Variants in SNX2 observed in about 807,000 individuals in gnomAD.
SNX2 encodes the protein sorting nexin-2.
In SNX2, 25 loss-of-function variants were observed where a neutral mutation model predicts 69.9. That is an observed-to-expected ratio of 0.36 (90% CI 0.26 to 0.50). The LOEUF is 0.50. Among genes scored for constraint, SNX2 ranks in the 20% least tolerant of loss-of-function variants. The probability of loss-of-function intolerance (pLI) is 0.97; values close to 1 mark genes in which losing one functional copy is unlikely to be tolerated. For synonymous variants in SNX2, 229 were observed against 200.4 expected (o/e 1.14, Z -1.20); for missense variants, 551 against 613.3 (o/e 0.90, Z 1.07).
At chr5:122,791,160 G>C (rs1296052920) in intron 1 of SNX2, among the ~76,000 whole-genome samples, 5 of 102,806 alleles carry the variant, frequency 4.9e-5, no homozygotes, top group Non-Finnish European at 8.2e-5. Context: ...TTTTGTTCTT[G>C]TTGCCCAGGC....
At chr5:122,802,427 A>G (rs531026259) in intron 5 of SNX2, among the ~76,000 whole-genome samples, 4 of 152,216 alleles carry the variant, frequency 2.6e-5, no homozygotes, top group Admixed American at 6.5e-5. Context: ...TGCTTGTGCA[A>G]AAGCCAAAAG....
intron 1 of SNX2, among the ~76,000 whole-genome samples, chr5:122,780,809 C>T (rs1203555789): frequency 6.6e-6 from 1 of 152,122 alleles, no homozygotes; most frequent in Non-Finnish European, 1.5e-5. Context: ...ACCTTGTGAT[C>T]TGTCCACCTC....
At chr5:122,823,582 T>C (rs1165399831) in intron 11 of SNX2, among the ~76,000 whole-genome samples, 1 of 152,234 alleles carries the variant, frequency 6.6e-6, no homozygotes, top group Non-Finnish European at 1.5e-5. Flanking sequence ...TTTCCCTGTA[T>C]TGGTACATAT....
intron 1 of SNX2, among the ~76,000 whole-genome samples, chr5:122,789,474 GACACACACACACAC>G (rs60199625): frequency 6.9e-6 from 1 of 144,608 alleles, no homozygotes; most frequent in African/African-American, 2.5e-5. Context: ...GACACACACG[GACACACACACACAC>G]ACACACACAC....
intron 11 of SNX2, among the ~76,000 whole-genome samples, chr5:122,823,990 A>G (rs944171981): frequency 3.9e-5 from 6 of 152,106 alleles, no homozygotes; most frequent in African/African-American, 1.4e-4. Flanking sequence ...TCATGAGATC[A>G]GGAGATCGAG....
At chr5:122,805,012 T>A (rs541184175) in intron 6 of SNX2, among the ~76,000 whole-genome samples, 3 of 152,148 alleles carry the variant, frequency 2.0e-5, no homozygotes, top group African/African-American at 7.2e-5. Flanking sequence ...TGAGCTCGGC[T>A]CCATCATGGT....
chr5:122,825,084 T>C (rs1176239628), intron 11 of SNX2, among the ~76,000 whole-genome samples: 1 of 152,152 alleles, frequency 6.6e-6, no homozygotes, highest in Admixed American at 6.5e-5. Flanking sequence ...CATATTTTTC[T>C]CTTCAGATCC....
chr5:122,810,830 A>C (rs1753758273), intron 7 of SNX2, among the ~76,000 whole-genome samples: 1 of 152,218 alleles, frequency 6.6e-6, no homozygotes, highest in Non-Finnish European at 1.5e-5. Context: ...TTCATTTTCA[A>C]TTAGAAAAAA....
chr5:122,791,696 C>T (rs1013226085), intron 1 of SNX2, among the ~76,000 whole-genome samples: 2 of 152,236 alleles, frequency 1.3e-5, no homozygotes, highest in Non-Finnish European at 2.9e-5. Context: ...GGATTACAGG[C>T]GTAAGCCACC....
intron 1 of SNX2, 199 bp downstream of exon 1, chr5:122,775,410 T>C (rs1752833518): frequency 2.4e-6 from 3 of 1,271,386 alleles, no homozygotes; most frequent in Non-Finnish European, 3.0e-6. Flanking sequence ...GAGAGCAGCC[T>C]GCGGCCCGCG....
chr5:122,829,393 C>T (rs946249430), intron 14 of SNX2, among the ~76,000 whole-genome samples: 17 of 151,712 alleles, frequency 1.1e-4, no homozygotes, highest in Non-Finnish European at 2.2e-4. Context: ...TTAGTAGAGA[C>T]GGGGTTTCAC....
chr5:122,777,607 T>C (rs958512367), intron 1 of SNX2, among the ~76,000 whole-genome samples: 1 of 152,224 alleles, frequency 6.6e-6, no homozygotes, highest in Non-Finnish European at 1.5e-5. Context: ...TAAGTGAAAA[T>C]CAAATTATAG....
At chr5:122,817,433 T>TTCATA in intron 10 of SNX2, 60 bp downstream of exon 10, 1 of 1,050,726 alleles carries the variant, frequency 9.5e-7, no homozygotes, top group Non-Finnish European at 1.4e-6. Context: ...ATATTTTATT[T>TTCATA]AAATTTTATG....
intron 5 of SNX2, 50 bp downstream of exon 5, chr5:122,802,174 G>A (rs749395150): frequency 1.1e-5 from 15 of 1,421,096 alleles, no homozygotes; most frequent in East Asian, 4.5e-5. Context: ...ATTATGTGTA[G>A]TATGAGGATA....
chr5:122,793,444 G>T (rs181570272), intron 1 of SNX2, among the ~76,000 whole-genome samples: 40 of 152,234 alleles, frequency 2.6e-4, no homozygotes, highest in African/African-American at 9.4e-4. Flanking sequence ...GTAGAAGCCC[G>T]CATGGTAAAG....
At position 122,804,500 on chromosome 5, in the gene SNX2, G is replaced by A. The variant is rs532964346; in HGVS notation, c.643+887G>A. 7.9e-5 allele frequency among the ~76,000 whole-genome samples: 12 copies of A among 151,778 alleles called. No homozygotes were observed. The East Asian group carries it at 1.4e-3, about 17-fold the overall frequency. On this transcript the variant is annotated intron_variant, in intron 6 of 14. Transcript: ENST00000379516. ...CCTGCCCCAGCCTTCCGAGTAGCTA[G>A]GACTGCAGGCACACACCACCATGCC...
intron 1 of SNX2, among the ~76,000 whole-genome samples, chr5:122,776,493 C>G (rs1752860363): frequency 6.6e-6 from 1 of 152,024 alleles, no homozygotes; most frequent in African/African-American, 2.4e-5. Flanking sequence ...CCAAAAGCCG[C>G]AATTACTTTT....
At chr5:122,804,582 T>C (rs56094533) in intron 6 of SNX2, among the ~76,000 whole-genome samples, 53,569 of 151,636 alleles carry the variant, frequency 0.35, 10,052 homozygotes, top group African/African-American at 0.46. Context: ...TTGGCCTGTC[T>C]GGTCTTGAAC....
At chr5:122,786,870 A>C (rs1753102994) in intron 1 of SNX2, among the ~76,000 whole-genome samples, 1 of 152,030 alleles carries the variant, frequency 6.6e-6, no homozygotes, top group Admixed American at 6.6e-5. Context: ...TCTTGTTTGG[A>C]ATCCAAAGTG....
Sources: gnomAD v4.1 joint callset for allele counts (sites outside exome capture counted in the v4.1 genomes callset) on GRCh38, gnomAD v4.1.1 for gene constraint, MANE v1.5 for transcripts, NCBI Gene and HGNC (gene_info 2026-07-23, HGNC 2026-07-21) for gene names.